Variants in GRK5 observed in about 807,000 individuals in gnomAD.
The protein encoded by GRK5 is g protein-coupled receptor kinase GRK5.
In GRK5, 40 loss-of-function variants were observed where a neutral mutation model predicts 78.4. The ratio of observed to expected loss-of-function variants is 0.51; its 90% confidence interval spans 0.40 to 0.66. GRK5 has a LOEUF of 0.66. GRK5 is among the 30% of genes least tolerant of loss of function. The pLI, the probability that GRK5 is intolerant of heterozygous loss-of-function variation, is 0.00. For missense variants in GRK5, 598 were observed against 759.9 expected (o/e 0.79, Z 2.50); for synonymous variants, 289 against 296.8 (o/e 0.97, Z 0.27).
chr10:119,356,987 A>G (rs930222940), intron 2 of GRK5, among the ~76,000 whole-genome samples: 2 of 152,234 alleles, frequency 1.3e-5, no homozygotes, highest in African/African-American at 4.8e-5. Flanking sequence ...AAGGCAGGGA[A>G]TGTCTTTGCC....
intron 1 of GRK5, among the ~76,000 whole-genome samples, chr10:119,214,004 C>T (rs536686660): frequency 6.6e-6 from 1 of 152,266 alleles, no homozygotes; most frequent in Non-Finnish European, 1.5e-5. Context: ...GAGACAGAGT[C>T]TGCTCTGTCG....
chr10:119,417,695 G>A (rs1405954150), intron 4 of GRK5, among the ~76,000 whole-genome samples: 3 of 152,164 alleles, frequency 2.0e-5, no homozygotes, highest in East Asian at 1.9e-4. Flanking sequence ...GGCGACCTAC[G>A]CGGCATGATA....
At chr10:119,428,535 T>C (rs1852748782) in intron 6 of GRK5, among the ~76,000 whole-genome samples, 1 of 152,252 alleles carries the variant, frequency 6.6e-6, no homozygotes, top group Non-Finnish European at 1.5e-5. Context: ...TGGAGCAGCC[T>C]TGGGCCACTC....
intron 1 of GRK5, among the ~76,000 whole-genome samples, chr10:119,261,765 GGC>G (rs910953217): frequency 2.1e-4 from 32 of 152,340 alleles, no homozygotes; most frequent in African/African-American, 7.5e-4. Context: ...CAGGCGTGGC[GGC>G]GCGCGCCTGC....
intron 4 of GRK5, among the ~76,000 whole-genome samples, chr10:119,399,838 T>A (rs183143878): frequency 6.6e-6 from 1 of 152,298 alleles, no homozygotes; most frequent in East Asian, 1.9e-4. Flanking sequence ...CAGCATCCTT[T>A]CCTGGGACCT....
intron 13 of GRK5, among the ~76,000 whole-genome samples, chr10:119,450,132 A>C (rs1392143858): frequency 1.3e-5 from 2 of 152,210 alleles, no homozygotes; most frequent in Non-Finnish European, 2.9e-5. Context: ...CCAGGAAACC[A>C]CATAGTGTTG....
intron 2 of GRK5, among the ~76,000 whole-genome samples, chr10:119,359,102 C>T (rs1404033383): frequency 6.6e-6 from 1 of 152,162 alleles, no homozygotes; most frequent in Non-Finnish European, 1.5e-5. Flanking sequence ...CCCTGAGCCC[C>T]CTCCACTGTT....
At chr10:119,322,568 A>G (rs925250987) in intron 1 of GRK5, among the ~76,000 whole-genome samples, 4 of 152,186 alleles carry the variant, frequency 2.6e-5, no homozygotes, top group African/African-American at 9.7e-5. Flanking sequence ...CAGTGAACCT[A>G]TGTTAACTTT....
intron 1 of GRK5, among the ~76,000 whole-genome samples, chr10:119,269,469 G>A (rs1410959002): frequency 2.0e-5 from 3 of 152,036 alleles, no homozygotes; most frequent in African/African-American, 7.3e-5. Flanking sequence ...AGGCTTCCGT[G>A]GGTAGGCCCT....
chr10:119,273,626 A>G (rs1350127998), intron 1 of GRK5, among the ~76,000 whole-genome samples: 1 of 152,166 alleles, frequency 6.6e-6, no homozygotes, highest in Non-Finnish European at 1.5e-5. Context: ...CATCTCCCCA[A>G]GCTTTGTCCC....
At position 119,431,699 on chromosome 10, in the gene GRK5, C is replaced by T. The variant is rs1482954523; in HGVS notation, c.738+172C>T. On this transcript the variant is annotated intron_variant, in intron 8 of 15. Coordinates refer to ENST00000392870, the MANE Select transcript of GRK5 (RefSeq NM_005308.3). This position sits in a 1 kb window ranked among gnomAD's most constrained non-coding sequence, Gnocchi z 4.8. The stretch of plus-strand genomic sequence containing the variant: ...CGCAAGACATTCCTCCATCACACGG[C>T]CCATTGTGGTCGACTGTGGCTGGCT... Among the ~76,000 whole-genome samples, 1 of 152,258 alleles carries T rather than the reference C, an allele frequency of 6.6e-6. No homozygotes were observed. The highest frequency in any genetic ancestry group is 1.5e-5 in the Non-Finnish European group (1 of 68,042).
At chr10:119,393,059 G>C (rs1851912025) in intron 3 of GRK5, among the ~76,000 whole-genome samples, 1 of 152,216 alleles carries the variant, frequency 6.6e-6, no homozygotes, top group African/African-American at 2.4e-5. Context: ...CCATCCAGGG[G>C]AGCCACCATG....
In GRK5 at chr10:119,455,194, G is replaced by C. The variant is rs546680040; in HGVS notation, c.*127G>C. The C allele has an allele frequency of 1.3e-6, 1 of 779,796 alleles. No individual in the cohort carries two copies. Among genetic ancestry groups the C allele is most frequent in the Admixed American group, 1.9e-5 (1 of 51,780 alleles). The allele number at this position is 779,796 out of a possible 1,614,324, so 48.3% of individuals were successfully genotyped here. A position where few individuals can be genotyped will look rare whatever the true frequency, so the allele number is the denominator to read the frequency against. On this transcript the variant is annotated 3_prime_UTR_variant, in exon 16 of 16. Coordinates refer to ENST00000392870, the MANE Select transcript of GRK5 (RefSeq NM_005308.3). ...ACCCCGGGAGCCGGGGAAGGAGGCCGTCCATCCCGTCGACGTAGAACCTCG... is the reference window on the plus strand; with the variant it reads ...ACCCCGGGAGCCGGGGAAGGAGGCCCTCCATCCCGTCGACGTAGAACCTCG...
chr10:119,386,784 A>G (rs1851805307), intron 3 of GRK5, among the ~76,000 whole-genome samples: 1 of 152,136 alleles, frequency 6.6e-6, no homozygotes, highest in Non-Finnish European at 1.5e-5. Context: ...TCTCGTCTAA[A>G]ATCCGTTTTT....
intron 1 of GRK5, among the ~76,000 whole-genome samples, chr10:119,268,033 T>C (rs1402177960): frequency 6.6e-6 from 1 of 152,078 alleles, no homozygotes; most frequent in Non-Finnish European, 1.5e-5. Flanking sequence ...CCCACTGGGG[T>C]TTGGGACTTG....
intron 2 of GRK5, among the ~76,000 whole-genome samples, chr10:119,365,535 T>C (rs542951930): frequency 6.6e-6 from 1 of 152,130 alleles, no homozygotes; most frequent in African/African-American, 2.4e-5. Flanking sequence ...CAGGCTTGGG[T>C]GGGACCCTTC....
At chr10:119,256,164 C>T (rs192525202) in intron 1 of GRK5, among the ~76,000 whole-genome samples, 263 of 152,166 alleles carry the variant, frequency 1.7e-3, no homozygotes, top group African/African-American at 6.1e-3. Flanking sequence ...CACACTGTCC[C>T]AGGAAAGCCT....
intron 2 of GRK5, among the ~76,000 whole-genome samples, chr10:119,354,182 G>T (rs1483683528): frequency 6.6e-6 from 1 of 151,732 alleles, no homozygotes; most frequent in Non-Finnish European, 1.5e-5. Flanking sequence ...TGAAATGATT[G>T]CTACAGTCAA....
At chr10:119,437,198 G>A (rs998736749) in intron 9 of GRK5, among the ~76,000 whole-genome samples, 5 of 152,360 alleles carry the variant, frequency 3.3e-5, no homozygotes, top group African/African-American at 9.6e-5. Context: ...GAGGGGGCCT[G>A]GTGGCCGCTA....
Sources: allele counts gnomAD v4.1 joint callset (sites outside exome capture counted in the v4.1 genomes callset), GRCh38; gene constraint gnomAD v4.1.1; non-coding constraint Gnocchi (gnomAD v3.1); transcripts MANE v1.5; gene names NCBI Gene and HGNC (gene_info 2026-07-23, HGNC 2026-07-21).